Variants in KIF27 observed in about 807,000 individuals in gnomAD.
The protein encoded by KIF27 is kinesin-like protein KIF27.
In KIF27, 84 loss-of-function variants were observed where a neutral mutation model predicts 141.8. The observed-to-expected ratio is 0.59, with a 90% confidence interval of 0.50 to 0.71. KIF27 has a LOEUF of 0.71. Among genes scored for constraint, KIF27 ranks in the 30% least tolerant of loss-of-function variants. The pLI, the probability that KIF27 is intolerant of heterozygous loss-of-function variation, is 0.00. For missense variants in KIF27, 1,306 were observed against 1,628.4 expected, an observed-to-expected ratio of 0.80 and a Z score of 3.41; for synonymous variants, 471 against 569.5, an observed-to-expected ratio of 0.83 and a Z score of 2.46.
chr9:83,879,755 C>T (rs1488061437), intron 11 of KIF27, among the ~76,000 whole-genome samples: 1 of 152,156 alleles, frequency 6.6e-6, no homozygotes, highest in African/African-American at 2.4e-5. Context: ...CAGCCAGCAA[C>T]TGAGTGAGCT....
At chr9:83,882,267 C>A (rs1263449010) in intron 10 of KIF27, among the ~76,000 whole-genome samples, 1 of 151,920 alleles carries the variant, frequency 6.6e-6, no homozygotes, top group Non-Finnish European at 1.5e-5. Flanking sequence ...GAGCCTGAGG[C>A]AAGAGGATCA....
In KIF27 at chr9:83,903,607, T is replaced by C; in HGVS notation, c.911A>G (p.Asp304Gly). The C allele has an allele frequency of 6.2e-7, 1 of 1,614,140 alleles. No individual in the cohort carries two copies. The change falls in exon 4 of 18, where the codon GAT becomes GGT. Residue 304 changes from aspartate to glycine, a missense_variant. Asp to Gly is a moderately conservative substitution (Grantham distance 94). Around this residue, in one of 4 missense-constraint regions of KIF27, gnomAD observed 533 missense variants for 565.6 expected, o/e 0.94. Coordinates refer to ENST00000297814, the MANE Select transcript of KIF27 (RefSeq NM_017576.4). ...AGTCTTAGCACTGCCTCCCAGAGAA[T>C]CTTTCAGAAGCCGGGTAATTTTAGC... ...RDAKITRLLK[D>G]SLGGSAKTVM...
At position 83,859,161 on chromosome 9, in the gene KIF27, G is replaced by T. The variant is rs766244397; in HGVS notation, c.3145C>A (p.Pro1049Thr). The T allele has an allele frequency of 6.8e-6, 11 of 1,606,016 alleles. 1 individual carries two copies. In the South Asian group the frequency reaches 1.2e-4, roughly 18 times the overall value. Residue 1049 changes from proline (P) to threonine (T), a missense_variant, in exon 14 of 18, where the codon CCT (proline) becomes ACT (threonine). Pro to Thr is a conservative substitution (Grantham distance 38). This residue lies in a region of KIF27 where 596 missense variants were observed against 751.6 expected (regional missense o/e 0.79). Transcript: ENST00000297814. ...TCCAAAGAATACTGACTTACTTCAG[G>T]TGATAACACTCTACCATTTTTAAGT... ...EKLKNGRVLS[P>T]EEEHVLFQLE...
chr9:83,897,830 CA>C (rs1588229869), intron 5 of KIF27, among the ~76,000 whole-genome samples: 1 of 151,760 alleles, frequency 6.6e-6, no homozygotes, highest in African/African-American at 2.4e-5. Context: ...TCCAAATAGC[CA>C]AAAACATATG....
intron 4 of KIF27, among the ~76,000 whole-genome samples, chr9:83,901,581 T>C (rs530940758): frequency 6.6e-6 from 1 of 152,232 alleles, no homozygotes; most frequent in East Asian, 1.9e-4. Flanking sequence ...TACTAAAATT[T>C]TTTTGTGTGT....
At chr9:83,845,507 TG>T (rs1002794180) in intron 16 of KIF27, among the ~76,000 whole-genome samples, 6 of 152,218 alleles carry the variant, frequency 3.9e-5, no homozygotes, top group African/African-American at 1.4e-4. Flanking sequence ...GATGGCCTCA[TG>T]GGGAGTTCCC....
intron 16 of KIF27, 57 bp from the exon 17 acceptor site, chr9:83,842,458 G>A: frequency 1.4e-6 from 2 of 1,454,888 alleles, no homozygotes; most frequent in South Asian, 2.9e-5. Context: ...GCAAAATTAT[G>A]TTTTTGTTTG....
chr9:83,895,979 G>A (rs1953183372), intron 5 of KIF27, among the ~76,000 whole-genome samples: 1 of 148,184 alleles, frequency 6.7e-6, no homozygotes. Flanking sequence ...TTGAACCTAG[G>A]AGGCAGAGGT....
intron 5 of KIF27, among the ~76,000 whole-genome samples, chr9:83,895,108 A>T (rs572876007): frequency 6.6e-6 from 1 of 151,836 alleles, no homozygotes; most frequent in South Asian, 2.1e-4. Flanking sequence ...AAAAAAAAAA[A>T]AAAATTAGCC....
At chr9:83,917,751 A>G (rs1291017419) in intron 1 of KIF27, among the ~76,000 whole-genome samples, 4 of 152,230 alleles carry the variant, frequency 2.6e-5, no homozygotes, top group Non-Finnish European at 5.9e-5. Context: ...AATGGATAAA[A>G]TAATGAAGTT....
In KIF27 at chr9:83,881,942, G is replaced by A. The variant is rs139538855; in HGVS notation, c.2446-1448C>T. ...TTAAACTATTAATGCAGCATGTAAC[G>A]CTCTACATATACCTAAAGACATTAA... On this transcript the variant is annotated intron_variant, in intron 10 of 17. Transcript: ENST00000297814. 6.2e-3 allele frequency among the ~76,000 whole-genome samples: 950 copies of A among 152,196 alleles called. 8 individuals carry two copies. The highest frequency in any genetic ancestry group is 0.021 in the African/African-American group (860 of 41,516).
At chr9:83,844,353 T>TAG (rs766626098) in intron 16 of KIF27, among the ~76,000 whole-genome samples, 8 of 109,756 alleles carry the variant, frequency 7.3e-5, no homozygotes, top group Non-Finnish European at 7.9e-5. Flanking sequence ...TATAGATATC[T>TAG]ATATCTATAT....
In KIF27 at chr9:83,887,057, T is replaced by G; in HGVS notation, c.2223A>C (p.Lys741Asn). The change falls in exon 9 of 18, where the codon AAA becomes AAC. Residue 741 changes from lysine (K) to asparagine (N), a missense_variant. Lys to Asn is a moderately conservative substitution (Grantham distance 94). Transcript: ENST00000297814. ...TACTATTACCTGTTTTTATTAATTC[T>G]TTAATCAGATCTTCCTTCATCTTGA... ...INIKMKEDLI[K>N]ELIKTGNDAK... The G allele has an allele frequency of 6.3e-7, 1 of 1,583,102 alleles. No individual in the cohort carries two copies. Among genetic ancestry groups the G allele is most frequent in the East Asian group, 2.3e-5 (1 of 44,254 alleles).
intron 3 of KIF27, among the ~76,000 whole-genome samples, chr9:83,905,461 T>C (rs1471135440): frequency 6.6e-6 from 1 of 152,212 alleles, no homozygotes; most frequent in Non-Finnish European, 1.5e-5. Flanking sequence ...GACTTAGGAA[T>C]TGAATCAGAG....
intron 3 of KIF27, among the ~76,000 whole-genome samples, chr9:83,907,556 T>G (rs1391915289): frequency 6.6e-6 from 1 of 151,922 alleles, no homozygotes; most frequent in Admixed American, 6.6e-5. Flanking sequence ...TCTAACCTTC[T>G]CCCATTTCCA....
At chr9:83,888,749 C>G (rs1310447154) in intron 7 of KIF27, among the ~76,000 whole-genome samples, 157 bp from the exon 8 acceptor site, 1 of 151,336 alleles carries the variant, frequency 6.6e-6, no homozygotes, top group Admixed American at 6.6e-5. Context: ...GGATGCCCCC[C>G]CCATCCATGT....
intron 17 of KIF27, 71 bp downstream of exon 17, chr9:83,842,166 C>A: frequency 1.4e-6 from 2 of 1,417,626 alleles, no homozygotes; most frequent in Non-Finnish European, 9.3e-7. Flanking sequence ...AAAGGCTACA[C>A]TACAAAGCTG....
intron 15 of KIF27, among the ~76,000 whole-genome samples, chr9:83,852,031 G>A (rs1272313548): frequency 6.6e-6 from 1 of 152,078 alleles, no homozygotes; most frequent in Non-Finnish European, 1.5e-5. Flanking sequence ...AGGAGGCTGA[G>A]GCAGGAGAAT....
At position 83,834,200 on chromosome 9, in the gene KIF27, A is replaced by T. The variant is rs1031312760; in HGVS notation, c.*2801T>A. ...TTTTATATACATGCAAAAAGGCAAT[A>T]AAGTGACAAAATGTTTAGAAAAAGC... On this transcript the variant is annotated 3_prime_UTR_variant, in exon 18 of 18. Coordinates refer to ENST00000297814, the MANE Select transcript of KIF27 (RefSeq NM_017576.4). Among the ~76,000 whole-genome samples, 5 of 152,210 alleles carry T rather than the reference A, an allele frequency of 3.3e-5. No individual in the cohort carries two copies. Among genetic ancestry groups the T allele is most frequent in the African/African-American group, 9.6e-5 (4 of 41,462 alleles).
Sources: allele counts gnomAD v4.1 joint callset (sites outside exome capture counted in the v4.1 genomes callset), GRCh38; gene constraint gnomAD v4.1.1; regional missense constraint gnomAD v4.1.1; transcripts MANE v1.5; gene names NCBI Gene and HGNC (gene_info 2026-07-23, HGNC 2026-07-21).